PRR16: variants seen among roughly 807,000 people sequenced by gnomAD.
The protein encoded by PRR16 is proline rich 16.
Under a neutral mutation model 18.2 loss-of-function variants are expected in PRR16, and 6 were observed. That is an observed-to-expected ratio of 0.33 (90% CI 0.18 to 0.65). PRR16 has a LOEUF of 0.65. Among genes scored for constraint, PRR16 ranks in the 30% least tolerant of loss-of-function variants. The pLI, the probability that PRR16 is intolerant of heterozygous loss-of-function variation, is 0.74. For missense variants in PRR16, 412 were observed against 376.6 expected, an observed-to-expected ratio of 1.09 and a Z score of -0.78; for synonymous variants, 151 against 147.8, an observed-to-expected ratio of 1.02 and a Z score of -0.16.
Position 120,493,440 on chromosome 5 carries a change from A to G in PRR16, c.159+28795A>G, listed in dbSNP as rs144376460. Among the ~76,000 whole-genome samples the G allele has an allele frequency of 3.7e-3, 562 of 152,086 alleles. 7 individuals are homozygous for G. The highest frequency in any genetic ancestry group is 0.012 in the African/African-American group (479 of 41,512). On this transcript the variant is annotated intron_variant, in intron 1 of 1. Transcript: ENST00000407149. Reference sequence around the variant, plus strand: ...CATTTGACCAGTCTTTAATAAGTTGATACTGTTTATTTTTTTAATTTAAGC... The same window carrying G: ...CATTTGACCAGTCTTTAATAAGTTGGTACTGTTTATTTTTTTAATTTAAGC...
the PRR16 span, among the ~76,000 whole-genome samples, chr5:120,736,166 A>T: frequency 6.6e-6 from 1 of 152,228 alleles, no homozygotes; most frequent in Non-Finnish European, 1.5e-5. Context: ...ATTCTACTGC[A>T]TTGGCATATA....
intron 1 of PRR16, among the ~76,000 whole-genome samples, chr5:120,636,322 C>T (rs549983307): frequency 2.0e-5 from 3 of 152,088 alleles, no homozygotes; most frequent in African/African-American, 7.2e-5. Context: ...ATAGCCAAAG[C>T]AAGACTAAGA....
the PRR16 span, among the ~76,000 whole-genome samples, chr5:120,743,780 T>A: frequency 6.6e-6 from 1 of 152,152 alleles, no homozygotes; most frequent in African/African-American, 2.4e-5. Context: ...CTTGGTTTGA[T>A]AAACTTTGCC....
the PRR16 span, among the ~76,000 whole-genome samples, chr5:120,739,637 ATT>A: frequency 2.6e-5 from 4 of 152,280 alleles, no homozygotes; most frequent in South Asian, 8.3e-4. Context: ...ACAACCCTAA[ATT>A]TAAACCTAAC....
At chr5:120,712,656 C>T in the PRR16 span, among the ~76,000 whole-genome samples, 1 of 151,998 alleles carries the variant, frequency 6.6e-6, no homozygotes, top group African/African-American at 2.4e-5. Flanking sequence ...GGAAAAGGAT[C>T]TGAATTAACA....
At chr5:120,589,167 A>C (rs1450825573) in intron 1 of PRR16, among the ~76,000 whole-genome samples, 2 of 152,176 alleles carry the variant, frequency 1.3e-5, no homozygotes, top group Admixed American at 6.6e-5. Context: ...TAAGCTCATT[A>C]ACCTGATTTT....
chr5:120,709,251 C>G, the PRR16 span, among the ~76,000 whole-genome samples: 1 of 151,926 alleles, frequency 6.6e-6, no homozygotes. Context: ...TCGTGATCTG[C>G]CCGCCTGGGC....
chr5:120,483,058 G>A (rs750372689), intron 1 of PRR16, among the ~76,000 whole-genome samples: 1 of 152,178 alleles, frequency 6.6e-6, no homozygotes, highest in South Asian at 2.1e-4. Flanking sequence ...TGACATTTCA[G>A]TGGTTTAAAT....
the PRR16 span, among the ~76,000 whole-genome samples, chr5:120,721,534 A>G: frequency 6.6e-6 from 1 of 152,060 alleles, no homozygotes; most frequent in East Asian, 1.9e-4. Flanking sequence ...GGAGTCAGAG[A>G]GAAAAGCAAA....
At chr5:120,474,812 A>G (rs1396241935) in intron 1 of PRR16, among the ~76,000 whole-genome samples, 2 of 152,128 alleles carry the variant, frequency 1.3e-5, no homozygotes, top group Non-Finnish European at 2.9e-5. Context: ...GAAAAAAAGG[A>G]GAAACTCAGA....
chr5:120,469,664 A>G (rs1749208384), intron 1 of PRR16, among the ~76,000 whole-genome samples: 1 of 152,136 alleles, frequency 6.6e-6, no homozygotes, highest in Admixed American at 6.6e-5. Flanking sequence ...TTGTGTATAA[A>G]TAGAATTTAG....
chr5:120,782,149 G>A, the PRR16 span, among the ~76,000 whole-genome samples: 1 of 152,128 alleles, frequency 6.6e-6, no homozygotes, highest in African/African-American at 2.4e-5. Context: ...TGTGTGGTTG[G>A]TGTTATTTTG....
At chr5:120,607,817 A>G (rs1448167939) in intron 1 of PRR16, among the ~76,000 whole-genome samples, 1 of 150,652 alleles carries the variant, frequency 6.6e-6, no homozygotes, top group Non-Finnish European at 1.5e-5. Flanking sequence ...CTCATTTTTG[A>G]TAAAACAAGA....
chr5:120,484,359 A>ATATAT (rs70985227), intron 1 of PRR16, among the ~76,000 whole-genome samples: 144,111 of 145,190 alleles, frequency 0.99, 71,528 homozygotes, highest in Non-Finnish European at 1. Context: ...TACATATAAA[A>ATATAT]TATATAATAC....
the PRR16 span, among the ~76,000 whole-genome samples, chr5:120,728,915 T>A: frequency 6.6e-6 from 1 of 152,152 alleles, no homozygotes; most frequent in Non-Finnish European, 1.5e-5. Flanking sequence ...ATTTGGTGCT[T>A]ATATAGCACA....
At chr5:120,480,401 A>G (rs923425135) in intron 1 of PRR16, among the ~76,000 whole-genome samples, 10 of 152,228 alleles carry the variant, frequency 6.6e-5, no homozygotes, top group Admixed American at 1.3e-4. Flanking sequence ...GTACTGCGTT[A>G]GCCAATAATA....
intron 1 of PRR16, among the ~76,000 whole-genome samples, chr5:120,468,032 T>G (rs1220690653): frequency 6.6e-6 from 1 of 152,142 alleles, no homozygotes; most frequent in African/African-American, 2.4e-5. Context: ...ACATCAGCAG[T>G]ATAAAAAGAC....
intron 1 of PRR16, among the ~76,000 whole-genome samples, chr5:120,471,328 G>A (rs1203295694): frequency 6.6e-6 from 1 of 152,046 alleles, no homozygotes; most frequent in South Asian, 2.1e-4. Context: ...ATGGAAGCTC[G>A]TTGATACTTA....
the PRR16 span, among the ~76,000 whole-genome samples, chr5:120,723,535 T>C: frequency 6.6e-6 from 1 of 152,044 alleles, no homozygotes; most frequent in Non-Finnish European, 1.5e-5. Flanking sequence ...AATAACATTG[T>C]ATATATTCAG....
Sources: gnomAD v4.1 joint callset for allele counts (sites outside exome capture counted in the v4.1 genomes callset) on GRCh38, gnomAD v4.1.1 for gene constraint, MANE v1.5 for transcripts, NCBI Gene and HGNC (gene_info 2026-07-23, HGNC 2026-07-21) for gene names.